SEZ6: variants seen among roughly 807,000 people sequenced by gnomAD.
SEZ6 encodes seizure protein 6 homolog.
A neutral mutation model predicts 101.0 loss-of-function variants in SEZ6; 53 were observed. The ratio of observed to expected loss-of-function variants is 0.52; its 90% CI spans 0.42 to 0.66. SEZ6 has a LOEUF of 0.66. Ranked by LOEUF, SEZ6 falls within the 30% of genes least tolerant of loss-of-function variation. SEZ6 has a pLI of 0.00. For synonymous variants in SEZ6, 488 were observed against 512.2 expected (o/e 0.95, Z 0.64); for missense variants, 1,102 against 1,289.4 (o/e 0.85, Z 2.23).
intron 1 of SEZ6, among the ~76,000 whole-genome samples, chr17:29,003,515 C>T (rs994360544): frequency 3.3e-5 from 5 of 152,226 alleles, no homozygotes; most frequent in Non-Finnish European, 7.3e-5. Flanking sequence ...AGAGAGGTGG[C>T]GGGGCTGAAA....
chr17:28,956,101 C>T, intron 16 of SEZ6, 58 bp downstream of exon 16: 1 of 1,598,060 alleles, frequency 6.3e-7, no homozygotes, highest in Non-Finnish European at 8.6e-7. Context: ...GGTTATCTGC[C>T]CAAAGAAGCA....
intron 3 of SEZ6, among the ~76,000 whole-genome samples, chr17:28,973,793 T>C (rs2152687320): frequency 6.6e-6 from 1 of 152,282 alleles, no homozygotes; most frequent in South Asian, 2.1e-4. Context: ...GGGAGACAGA[T>C]TGAAATGTCA....
At chr17:28,977,198 TC>T (rs1271698735) in intron 3 of SEZ6, among the ~76,000 whole-genome samples, 1 of 152,220 alleles carries the variant, frequency 6.6e-6, no homozygotes, top group Admixed American at 6.5e-5. Flanking sequence ...ATTCTTCAGG[TC>T]CCAAGTGGCC....
intron 5 of SEZ6, among the ~76,000 whole-genome samples, chr17:28,961,681 A>G (rs757196306): frequency 4.6e-5 from 7 of 152,148 alleles, no homozygotes; most frequent in Non-Finnish European, 8.8e-5. Context: ...CAGTTTGCCT[A>G]TGGCTATCTG....
rs758073266 is a variant in SEZ6 at position 28,959,700 on chromosome 17, C to T, written c.1769G>A (p.Arg590Gln). The T allele has an allele frequency of 1.2e-5, 19 of 1,587,210 alleles. No homozygotes were observed. Among genetic ancestry groups the T allele is most frequent in the East Asian group, 2.2e-5 (1 of 44,658 alleles). Residue 590 changes from arginine (R) to glutamine (Q), a missense_variant and splice_region_variant, in exon 8 of 17, where the codon CGA becomes CAA. Coordinates refer to ENST00000317338, the MANE Select transcript of SEZ6 (RefSeq NM_178860.5). The surrounding 1 kb of genome is among the most constrained non-coding windows in gnomAD (Gnocchi z 4.4). ...CCCATCCACTGGTGTCTACTGACCT[C>T]GGCAGGCTGGCTCTGTCTCATTCCA... is the stretch of plus-strand genomic sequence containing the variant. ...PQWNETEPAC[R>Q]AVCSGEITDS...
chr17:28,964,819 G>A (rs1456530248), intron 4 of SEZ6, among the ~76,000 whole-genome samples: 1 of 152,222 alleles, frequency 6.6e-6, no homozygotes, highest in Non-Finnish European at 1.5e-5. Flanking sequence ...CACTTTGGGA[G>A]GCCGAGGTGG....
intron 1 of SEZ6, among the ~76,000 whole-genome samples, chr17:28,998,165 G>A (rs1009515124): frequency 1.3e-5 from 2 of 152,040 alleles, no homozygotes; most frequent in African/African-American, 4.8e-5. Context: ...AGGGGAGAAG[G>A]GTCCGCTTTG....
rs1598198333 is a variant in SEZ6, at chr17:28,979,820, G to A, written c.725-7C>T. 2 of 1,605,086 alleles carry A rather than the reference G, an allele frequency of 1.2e-6. No individual in the cohort carries two copies. Among genetic ancestry groups the A allele is most frequent in the Non-Finnish European group, 8.5e-7 (1 of 1,175,648 alleles). On this transcript the variant is annotated splice_polypyrimidine_tract_variant and splice_region_variant and intron_variant, in intron 2 of 16. Transcript: ENST00000317338. ...AAATTCCAGCTACAAGGGCCTGGGAGGCAGGAGGAGACACAAAGCTAGTGC... is the reference window on the plus strand; with the variant it reads ...AAATTCCAGCTACAAGGGCCTGGGAAGCAGGAGGAGACACAAAGCTAGTGC...
intron 1 of SEZ6, among the ~76,000 whole-genome samples, chr17:28,998,823 C>T (rs1346176650): frequency 6.6e-6 from 1 of 152,208 alleles, no homozygotes; most frequent in African/African-American, 2.4e-5. Flanking sequence ...CAGAGGCAAA[C>T]TCTTTTCCTA....
chr17:28,985,829 CTGCA>C (rs1338873150), intron 1 of SEZ6, among the ~76,000 whole-genome samples: 3 of 152,252 alleles, frequency 2.0e-5, no homozygotes, highest in Admixed American at 6.5e-5. Context: ...CTTCAAGGCC[CTGCA>C]TGTCGGTGGG....
chr17:28,960,254 A>C, intron 7 of SEZ6: 1 of 603,138 alleles, frequency 1.7e-6, no homozygotes, highest in East Asian at 2.9e-5. Flanking sequence ...TTGCTTTTCA[A>C]AATCTGGAGA....
rs1239490791 is a variant in SEZ6, at chr17:28,981,705, G to C, written c.390C>G (p.Pro130=). The C allele has an allele frequency of 6.3e-7, 1 of 1,590,222 alleles. No homozygotes were observed. The highest frequency in any genetic ancestry group is 1.7e-5 in the Admixed American group (1 of 59,092). ...GTCCCTCCTTGGACTGGGGCTGAGT[G>C]GGTACCGCAGCCATGGCTGGAGTGG... is the stretch of plus-strand genomic sequence containing the variant. The part of the protein sequence containing the change: ...TSPTPAMAAV[P]TQPQSKEGPW... Residue 130 remains proline, a synonymous_variant, in exon 2 of 17, where the codon CCC becomes CCG. Coordinates refer to ENST00000317338, the MANE Select transcript of SEZ6 (RefSeq NM_178860.5).
chr17:28,968,484 G>A (rs1273981619), intron 4 of SEZ6, among the ~76,000 whole-genome samples: 1 of 152,224 alleles, frequency 6.6e-6, no homozygotes, highest in African/African-American at 2.4e-5. Context: ...TTATCATGGC[G>A]TGAAATTATG....
In SEZ6 at chr17:28,955,521, G is replaced by A. The variant is rs1320069015; in HGVS notation, c.*441C>T. On this transcript the variant is annotated 3_prime_UTR_variant, in exon 17 of 17. Coordinates refer to ENST00000317338, the MANE Select transcript of SEZ6 (RefSeq NM_178860.5). ...GAGAGGAGTTTTGGCCATTGGTGAT[G>A]GCGCTGTGAGGAGTACCCTGGTGCA... The A allele has an allele frequency of 2.4e-6, 1 of 411,366 alleles. No homozygotes were observed. The highest frequency in any genetic ancestry group is 4.9e-6 in the Non-Finnish European group (1 of 202,810). The allele number at this position is 411,366 out of a possible 1,614,324, so 25.5% of individuals were successfully genotyped here.
At chr17:28,999,630 C>G (rs923721447) in intron 1 of SEZ6, among the ~76,000 whole-genome samples, 2 of 152,198 alleles carry the variant, frequency 1.3e-5, no homozygotes, top group East Asian at 1.9e-4. Context: ...CATCCTCCCC[C>G]CACAGGTCTG....
At chr17:28,992,847 G>A (rs569768438) in intron 1 of SEZ6, among the ~76,000 whole-genome samples, 7 of 152,330 alleles carry the variant, frequency 4.6e-5, no homozygotes, top group African/African-American at 1.4e-4. Context: ...CCACTGCAGA[G>A]CTGGGGGCTG....
intron 4 of SEZ6, 145 bp from the exon 5 acceptor site, chr17:28,964,292 A>G (rs187288383): frequency 1.0e-5 from 8 of 801,708 alleles, no homozygotes; most frequent in Admixed American, 5.0e-5. Flanking sequence ...AACAACTCCA[A>G]TCTCCTCCCT....
rs2040936032 is a variant in SEZ6 at position 28,959,318 on chromosome 17, C to G, written c.1910+16G>C. 6.2e-7 allele frequency: 1 copy of G among 1,613,838 alleles called. No homozygotes were observed. The highest frequency in any genetic ancestry group is 1.7e-5 in the Admixed American group (1 of 60,010). On this transcript the variant is annotated intron_variant, in intron 9 of 16. Transcript: ENST00000317338. This position sits in a 1 kb window ranked among gnomAD's most constrained non-coding sequence, Gnocchi z 4.4. ...GACCTCAGGAGTTGGCTCGGCCTGA[C>G]CCGGTAGGCACTCACACTCGGATGT...
chr17:29,004,898 AT>A (rs1367739893), intron 1 of SEZ6, among the ~76,000 whole-genome samples: 1 of 152,044 alleles, frequency 6.6e-6, no homozygotes, highest in Non-Finnish European at 1.5e-5. Flanking sequence ...CGCTCACACC[AT>A]GGCCAAGCTT....
Sources: allele counts gnomAD v4.1 joint callset (sites outside exome capture counted in the v4.1 genomes callset), GRCh38; gene constraint gnomAD v4.1.1; non-coding constraint Gnocchi (gnomAD v3.1); transcripts MANE v1.5; gene names NCBI Gene and HGNC (gene_info 2026-07-23, HGNC 2026-07-21).